Variants in VWA3A observed in about 807,000 individuals in gnomAD.
VWA3A encodes von Willebrand factor A domain-containing protein 3A.
A neutral mutation model predicts 160.4 loss-of-function variants in VWA3A; 134 were observed. The observed-to-expected ratio is 0.84, with a 90% CI of 0.73 to 0.96. The LOEUF (loss-of-function observed/expected upper bound fraction) is 0.96, where lower values mean the gene tolerates loss of function less well. Ranked by LOEUF, VWA3A falls within the 40% of genes least tolerant of loss-of-function variation. The pLI, the probability that VWA3A is intolerant of heterozygous loss-of-function variation, is 0.00. For missense variants in VWA3A, 1,310 were observed against 1,447.9 expected (o/e 0.90, Z 1.55); for synonymous variants, 476 against 543.4 (o/e 0.88, Z 1.72).
In VWA3A at chr16:22,144,345, C is replaced by T. The variant is rs367939921; in HGVS notation, c.2691C>T (p.Ser897=). Residue 897 remains serine, a synonymous_variant, in exon 26 of 34, where the codon TCC becomes TCT. Transcript: ENST00000389398. ...AAAAGTCAGGACAGAGGTCAGCATC[C>T]GCCAAACACTGCAGCATCTTCCCCA... is the stretch of plus-strand genomic sequence containing the variant. ...THQKSGQRSA[S]AKHCSIFPSV... The T allele has an allele frequency of 5.1e-5, 83 of 1,613,928 alleles. No homozygotes were observed. The highest frequency in any genetic ancestry group is 2.9e-4 in the African/African-American group (22 of 75,018).
Position 22,100,492 on chromosome 16 carries a change from GAGTA to G in VWA3A, c.428+4_428+7del, listed in dbSNP as rs1254955056. 1.3e-6 allele frequency: 2 copies of G among 1,551,464 alleles called. No homozygotes were observed. The highest frequency in any genetic ancestry group is 1.7e-6 in the Non-Finnish European group (2 of 1,146,916). On this transcript the variant is annotated splice_donor_variant and splice_donor_region_variant and coding_sequence_variant and intron_variant, in exon 5 of 34. Transcript: ENST00000389398. LOFTEE classifies it high-confidence loss of function. ...CCGCCATTTTGAGTCAAAGCTTTCT[GAGTA>G]AGTATGTTTCTCACTGTCCTCCCAA...
At chr16:22,116,939 C>T (rs1425779874) in intron 10 of VWA3A, 72 bp downstream of exon 10, 7 of 1,481,396 alleles carry the variant, frequency 4.7e-6, no homozygotes, top group Non-Finnish European at 5.6e-6. Context: ...TTTGAGGCCT[C>T]ATGCTTGGAC....
At chr16:22,112,121 G>A (rs2045560966) in intron 8 of VWA3A, among the ~76,000 whole-genome samples, 1 of 152,158 alleles carries the variant, frequency 6.6e-6, no homozygotes, top group Admixed American at 6.5e-5. Context: ...TCTACTGCAG[G>A]GATGTCTTTT....
At chr16:22,136,677 T>G (rs1044557770) in intron 21 of VWA3A, among the ~76,000 whole-genome samples, 14 of 152,032 alleles carry the variant, frequency 9.2e-5, no homozygotes, top group Non-Finnish European at 1.6e-4. Flanking sequence ...TCTGCAGATC[T>G]GTGGCTCCCC....
chr16:22,150,442 G>A (rs2142025559), intron 29 of VWA3A, among the ~76,000 whole-genome samples: 1 of 152,214 alleles, frequency 6.6e-6, no homozygotes, highest in South Asian at 2.1e-4. Flanking sequence ...AGACACAGAG[G>A]CTCAGAGAGG....
chr16:22,154,870 C>T (rs1043401273), intron 31 of VWA3A, among the ~76,000 whole-genome samples: 1 of 141,018 alleles, frequency 7.1e-6, no homozygotes, highest in Non-Finnish European at 1.5e-5. Context: ...AGGAGAATGG[C>T]GTGAACCCGG....
In VWA3A at chr16:22,150,996, G is replaced by A. The variant is rs552555396; in HGVS notation, c.3281+150G>A. On this transcript the variant is annotated intron_variant, in intron 30 of 33. Transcript: ENST00000389398. ...TCCTGTAAATCAGAAATTAGGAGAAGCGGCCGGGCATGCTGGCTCACGCCT... is the reference window on the plus strand; with the variant it reads ...TCCTGTAAATCAGAAATTAGGAGAAACGGCCGGGCATGCTGGCTCACGCCT... 52 of 1,053,454 alleles carry A rather than the reference G, an allele frequency of 4.9e-5. No individual in the cohort carries two copies. The African/African-American group carries it at 6.7e-4, about 14-fold the overall frequency. 65.3% of individuals were successfully genotyped at this position (1,053,454 alleles called of 1,614,324 possible). A position where few individuals can be genotyped will look rare whatever the true frequency, so the allele number is the denominator to read the frequency against.
rs536375408 is a variant in VWA3A, at chr16:22,119,020, T to C, written c.1109T>C (p.Met370Thr). ...CCCTGTGAGGCGCTCACCTGCACCA[T>C]GGAGGAGGTAGGTGGTGCGAGTGTC... ...SSPCEALTCT[M>T]EEISTEITNG... Residue 370 changes from methionine to threonine, a missense_variant, in exon 12 of 34, where the codon ATG becomes ACG. Coordinates refer to ENST00000389398, the MANE Select transcript of VWA3A (RefSeq NM_173615.5). The C allele has an allele frequency of 3.1e-6, 5 of 1,610,996 alleles. No homozygotes were observed. The African/African-American group carries it at 5.3e-5, about 17-fold the overall frequency.
chr16:22,125,688 GC>G (rs1228531956), intron 16 of VWA3A, among the ~76,000 whole-genome samples: 1 of 152,124 alleles, frequency 6.6e-6, no homozygotes. Context: ...CTCCCAGAGT[GC>G]TGGGATTACA....
chr16:22,095,046 G>A (rs2045294617), intron 1 of VWA3A, among the ~76,000 whole-genome samples: 1 of 151,260 alleles, frequency 6.6e-6, no homozygotes, highest in African/African-American at 2.4e-5. Flanking sequence ...TTTATCGAGT[G>A]TCTGCCAGTC....
At chr16:22,116,480 AAAAG>A (rs1323499203) in intron 9 of VWA3A, 2 of 520,298 alleles carry the variant, frequency 3.8e-6, no homozygotes, top group Admixed American at 3.1e-5. Context: ...AGAGAGAAAG[AAAAG>A]AAAGAGAAGG....
chr16:22,119,213 A>G (rs1307246759), intron 12 of VWA3A, among the ~76,000 whole-genome samples, 186 bp downstream of exon 12: 1 of 152,166 alleles, frequency 6.6e-6, no homozygotes, highest in Non-Finnish European at 1.5e-5. Flanking sequence ...GGGTGGGCCC[A>G]CCATGGTACC....
At chr16:22,134,745 A>G (rs1293766753) in intron 21 of VWA3A, among the ~76,000 whole-genome samples, 2 of 152,142 alleles carry the variant, frequency 1.3e-5, no homozygotes, top group African/African-American at 4.8e-5. Flanking sequence ...ACTTAAGACT[A>G]TTGCAATAGG....
In VWA3A at chr16:22,115,413, T is replaced by C. The variant is rs1434273562; in HGVS notation, c.756T>C (p.Ala252=). The C allele has an allele frequency of 6.2e-7, 1 of 1,605,266 alleles. No individual in the cohort carries two copies. Among genetic ancestry groups the C allele is most frequent in the Non-Finnish European group, 8.5e-7 (1 of 1,175,966 alleles). Residue 252 remains alanine, a synonymous_variant, in exon 9 of 34, where the codon GCT becomes GCC. Coordinates refer to ENST00000389398, the MANE Select transcript of VWA3A (RefSeq NM_173615.5). ...QPDGGSNLLQ[A]LKKIFTLKGL... is the part of the protein sequence containing the mutation. ...ATGGAGGCAGCAACCTGCTACAAGCTCTGAAGAAGATCTTCACTCTCAAGG... is the reference window on the plus strand; with the variant it reads ...ATGGAGGCAGCAACCTGCTACAAGCCCTGAAGAAGATCTTCACTCTCAAGG...
intron 3 of VWA3A, 89 bp downstream of exon 3, chr16:22,097,784 C>G: frequency 6.7e-7 from 1 of 1,498,410 alleles, no homozygotes; most frequent in Non-Finnish European, 9.0e-7. Flanking sequence ...TTTCTTCCTT[C>G]TCATAGGATT....
rs769703073 is a variant in VWA3A, at chr16:22,150,776, A to C, written c.3211A>C (p.Asn1071His). 3.7e-6 allele frequency: 6 copies of C among 1,613,230 alleles called. No homozygotes were observed. In the South Asian group the frequency reaches 6.6e-5, roughly 18 times the overall value. ...AGACACAAGCTGCAGCCTTGTCCTA[A>C]ATGAAGTCCAAAAACTCAGGGAGAA... is the stretch of plus-strand genomic sequence containing the variant. ...KPDTSCSLVL[N>H]EVQKLREKRD... Residue 1071 changes from asparagine to histidine, a missense_variant, in exon 30 of 34, where the codon AAT becomes CAT. Transcript: ENST00000389398.
chr16:22,108,445 T>C (rs1027966405), intron 6 of VWA3A, among the ~76,000 whole-genome samples: 4 of 152,130 alleles, frequency 2.6e-5, no homozygotes, highest in African/African-American at 9.7e-5. Flanking sequence ...GTGAAGTATG[T>C]AGGGCTATGG....
chr16:22,100,871 A>G (rs1050578219), intron 5 of VWA3A, among the ~76,000 whole-genome samples: 2 of 137,626 alleles, frequency 1.5e-5, no homozygotes, highest in Non-Finnish European at 3.0e-5. Flanking sequence ...GAAAAAGAAA[A>G]AGAAAGAATT....
intron 29 of VWA3A, 145 bp downstream of exon 29, chr16:22,150,076 G>A (rs183460482): frequency 5.7e-5 from 71 of 1,238,448 alleles, no homozygotes; most frequent in Non-Finnish European, 7.6e-6. Context: ...ACACCCGAGT[G>A]AGAAAAGGAT....
Sources: gnomAD v4.1 joint callset for allele counts (sites outside exome capture counted in the v4.1 genomes callset) on GRCh38, gnomAD v4.1.1 for gene constraint, MANE v1.5 for transcripts, NCBI Gene and HGNC (gene_info 2026-07-23, HGNC 2026-07-21) for gene names.